The following CENPQ variants were observed in gnomAD, a reference collection of about 807,000 sequenced individuals.
The protein encoded by CENPQ is chromosome 6 open reading frame 139.
A neutral mutation model predicts 36.6 loss-of-function variants in CENPQ; 27 were observed. The ratio of observed to expected loss-of-function variants is 0.74; its 90% CI spans 0.54 to 1.02. The LOEUF (loss-of-function observed/expected upper bound fraction) is 1.02, where lower values mean the gene tolerates loss of function less well. Ranked by LOEUF, CENPQ falls within the 50% of genes least tolerant of loss-of-function variation. The pLI is 0.00. For synonymous variants in CENPQ, 101 were observed against 101.7 expected (o/e 0.99, Z 0.04); for missense variants, 306 against 301.8 (o/e 1.01, Z -0.10).
rs1049384685 is a variant in CENPQ, at chr6:49,480,970, A to G, written c.367A>G (p.Thr123Ala). 29 of 1,603,060 alleles carry G rather than the reference A, an allele frequency of 1.8e-5. No homozygotes were observed. The highest frequency in any genetic ancestry group is 6.8e-5 in the Admixed American group (4 of 58,616). Residue 123 changes from threonine (T) to alanine (A), a missense_variant, in exon 6 of 9, where the codon ACT becomes GCT. Thr to Ala is a moderately conservative substitution (Grantham distance 58). Transcript: ENST00000335783. ...LKKRLLQQCETLKVPPKKMED... is the reference protein window; with the variant it reads ...LKKRLLQQCEALKVPPKKMED... ...CTTAAGATTGCTACAACAGTGTGAA[A>G]CTCTGAAAGTCCCTCCCAAAAAGAT...
At chr6:49,483,516 G>A (rs908179390) in intron 6 of CENPQ, among the ~76,000 whole-genome samples, 3 of 152,170 alleles carry the variant, frequency 2.0e-5, no homozygotes, top group Non-Finnish European at 4.4e-5. Context: ...AACCCTCTGA[G>A]GGGGGAGGCT....
At chr6:49,476,415 A>T (rs1453580151) in intron 5 of CENPQ, among the ~76,000 whole-genome samples, 2 of 152,224 alleles carry the variant, frequency 1.3e-5, no homozygotes, top group African/African-American at 4.8e-5. Context: ...CTTATACAAA[A>T]ATTAATTCAA....
chr6:49,477,258 AT>A (rs1174411877), intron 5 of CENPQ, among the ~76,000 whole-genome samples: 5 of 152,278 alleles, frequency 3.3e-5, no homozygotes, highest in African/African-American at 1.2e-4. Context: ...GGATGAGTTC[AT>A]GTCCTTTGTA....
At chr6:49,468,993 A>G (rs996506804) in intron 1 of CENPQ, among the ~76,000 whole-genome samples, 13 of 152,216 alleles carry the variant, frequency 8.5e-5, no homozygotes, top group African/African-American at 3.1e-4. Context: ...TGAACACAAG[A>G]TAGAGAATGA....
At chr6:49,472,273 T>A in intron 4 of CENPQ, 90 bp downstream of exon 4, 1 of 1,062,552 alleles carries the variant, frequency 9.4e-7, no homozygotes. Flanking sequence ...CTATCTATTT[T>A]AAGGTAATAG....
rs1768411741 is a variant in CENPQ at position 49,480,963 on chromosome 6, G to A, written c.360G>A (p.Gln120=). 1.3e-6 allele frequency: 2 copies of A among 1,599,616 alleles called. No homozygotes were observed. Among genetic ancestry groups the A allele is most frequent in the Non-Finnish European group, 8.5e-7 (1 of 1,171,622 alleles). ...TTTTATCCTTAAGATTGCTACAACAGTGTGAAACTCTGAAAGTCCCTCCCA... is the reference window on the plus strand; with the variant it reads ...TTTTATCCTTAAGATTGCTACAACAATGTGAAACTCTGAAAGTCCCTCCCA... ...LNFLKKRLLQ[Q]CETLKVPPKK... The change falls in exon 6 of 9, where the codon CAG becomes CAA. Residue 120 remains glutamine, a synonymous_variant. Coordinates refer to ENST00000335783, the MANE Select transcript of CENPQ (RefSeq NM_018132.4).
At chr6:49,469,882 T>C (rs1581843674) in intron 1 of CENPQ, among the ~76,000 whole-genome samples, 2 of 152,186 alleles carry the variant, frequency 1.3e-5, no homozygotes, top group East Asian at 3.8e-4. Flanking sequence ...CATTTTTAAA[T>C]GATTTTCTAA....
chr6:49,467,324 G>A (rs1293241294), intron 1 of CENPQ, among the ~76,000 whole-genome samples: 2 of 152,146 alleles, frequency 1.3e-5, no homozygotes, highest in Non-Finnish European at 2.9e-5. Context: ...GAACTCTGAT[G>A]TAAACAATGG....
chr6:49,470,622 C>CAAA (rs1199878940), intron 2 of CENPQ, among the ~76,000 whole-genome samples: 18 of 66,330 alleles, frequency 2.7e-4, no homozygotes, highest in East Asian at 2.0e-3. Flanking sequence ...GACTCCGTCT[C>CAAA]AAAAAAAAAA....
chr6:49,488,764 C>A, intron 8 of CENPQ, 80 bp downstream of exon 8: 2 of 1,062,970 alleles, frequency 1.9e-6, no homozygotes, highest in South Asian at 1.3e-5. Flanking sequence ...AGCAAAAAAG[C>A]AAATACTGCA....
intron 6 of CENPQ, among the ~76,000 whole-genome samples, chr6:49,485,979 A>G (rs2127427654): frequency 6.6e-6 from 1 of 152,248 alleles, no homozygotes; most frequent in East Asian, 1.9e-4. Context: ...ATCTAGGAAA[A>G]GGGTCTTGTC....
intron 8 of CENPQ, among the ~76,000 whole-genome samples, chr6:49,491,871 C>T (rs762106596): frequency 2.6e-5 from 4 of 152,034 alleles, no homozygotes; most frequent in Non-Finnish European, 5.9e-5. Context: ...GCCAGGACTG[C>T]GCCATTGTAC....
At chr6:49,490,779 C>A (rs1204503515) in intron 8 of CENPQ, among the ~76,000 whole-genome samples, 7 of 152,054 alleles carry the variant, frequency 4.6e-5, no homozygotes, top group Admixed American at 4.6e-4. Flanking sequence ...AATAGGGAGG[C>A]CCAAGGAGAG....
intron 5 of CENPQ, among the ~76,000 whole-genome samples, chr6:49,473,794 C>T (rs1768204952): frequency 6.6e-6 from 1 of 152,072 alleles, no homozygotes; most frequent in Non-Finnish European, 1.5e-5. Context: ...CAGAGATACG[C>T]ATAGGCTCAA....
chr6:49,467,631 T>C (rs1768034185), intron 1 of CENPQ, among the ~76,000 whole-genome samples: 1 of 152,242 alleles, frequency 6.6e-6, no homozygotes, highest in Non-Finnish European at 1.5e-5. Flanking sequence ...TTACCTTCAA[T>C]TTCCACACTT....
At chr6:49,481,747 A>G (rs1407504651) in intron 6 of CENPQ, among the ~76,000 whole-genome samples, 4 of 152,110 alleles carry the variant, frequency 2.6e-5, no homozygotes, top group Non-Finnish European at 5.9e-5. Context: ...CAGACTCAGG[A>G]GCCCAGTTGG....
At chr6:49,481,368 G>A (rs1245557281) in intron 6 of CENPQ, among the ~76,000 whole-genome samples, 1 of 152,062 alleles carries the variant, frequency 6.6e-6, no homozygotes, top group Non-Finnish European at 1.5e-5. Context: ...GGACCCTCGT[G>A]GTGAGTGTTA....
At chr6:49,473,492 G>T (rs1031874370) in intron 5 of CENPQ, among the ~76,000 whole-genome samples, 1 of 152,052 alleles carries the variant, frequency 6.6e-6, no homozygotes, top group African/African-American at 2.4e-5. Flanking sequence ...TCACCACCAG[G>T]CCTGCCCTAA....
At chr6:49,482,503 A>AG (rs1415102617) in intron 6 of CENPQ, among the ~76,000 whole-genome samples, 7 of 152,110 alleles carry the variant, frequency 4.6e-5, no homozygotes, top group Admixed American at 2.0e-4. Context: ...TGTCCTCCAG[A>AG]GGGGAGGTCT....
Sources: gnomAD v4.1 joint callset for allele counts (sites outside exome capture counted in the v4.1 genomes callset) on GRCh38, gnomAD v4.1.1 for gene constraint, MANE v1.5 for transcripts, NCBI Gene and HGNC (gene_info 2026-07-23, HGNC 2026-07-21) for gene names.